Variants in TENM3 observed in about 807,000 individuals in gnomAD.
TENM3 encodes teneurin-3.
A neutral mutation model predicts 255.1 loss-of-function variants in TENM3; 63 were observed. The observed-to-expected ratio is 0.25, with a 90% confidence interval of 0.20 to 0.30. The LOEUF is 0.30. TENM3 is among the 10% of genes least tolerant of loss of function. TENM3 has a pLI of 1.00. For missense variants in TENM3, 2,929 were observed against 3,461.1 expected, an observed-to-expected ratio of 0.85 and a Z score of 3.86; for synonymous variants, 1,306 against 1,322.3, an observed-to-expected ratio of 0.99 and a Z score of 0.27.
At chr4:182,576,927 A>T (rs148652031) in intron 3 of TENM3, among the ~76,000 whole-genome samples, 1 of 152,204 alleles carries the variant, frequency 6.6e-6, no homozygotes, top group Non-Finnish European at 1.5e-5. Flanking sequence ...GGCAAGGCCC[A>T]TGAAAATCTT....
At chr4:182,450,765 C>G (rs545983146) in intron 3 of TENM3, among the ~76,000 whole-genome samples, 63 of 152,320 alleles carry the variant, frequency 4.1e-4, no homozygotes, top group African/African-American at 1.5e-3. Context: ...GTCACTTGAT[C>G]TCTTATTAGC....
At chr4:182,176,977 G>GTGTAC (rs1050834474) in intron 1 of TENM3, among the ~76,000 whole-genome samples, 1 of 151,868 alleles carries the variant, frequency 6.6e-6, no homozygotes, top group African/African-American at 2.4e-5. Flanking sequence ...TACCCAGTCA[G>GTGTAC]TGTACTGTTT....
chr4:182,572,046 C>T (rs994682299), intron 3 of TENM3, among the ~76,000 whole-genome samples: 3 of 152,108 alleles, frequency 2.0e-5, no homozygotes, highest in Non-Finnish European at 4.4e-5. Context: ...GGACTACAGG[C>T]GCCTGCCACC....
chr4:182,574,887 C>T lies in TENM3; in HGVS notation c.512-26037C>T, dbSNP rs185363393. Among the ~76,000 whole-genome samples the T allele has an allele frequency of 3.9e-5, 6 of 152,254 alleles. 1 individual carries two copies. In the East Asian group the frequency reaches 9.7e-4, roughly 25 times the overall value. Reference sequence around the variant, plus strand: ...TATAGCCATATGTTTCCTGTCACCTCGGTGACACAGATAAGCCTTACATCT... The same window carrying T: ...TATAGCCATATGTTTCCTGTCACCTTGGTGACACAGATAAGCCTTACATCT... On this transcript the variant is annotated intron_variant, in intron 3 of 27. Transcript: ENST00000511685.
At chr4:182,629,484 G>A (rs1554037) in intron 5 of TENM3, among the ~76,000 whole-genome samples, 97,530 of 152,038 alleles carry the variant, frequency 0.64, 31,423 homozygotes, top group African/African-American at 0.72. Flanking sequence ...AATAATGGAA[G>A]CTACTAATAG....
chr4:182,173,649 A>G (rs1752252246), intron 1 of TENM3, among the ~76,000 whole-genome samples: 1 of 152,192 alleles, frequency 6.6e-6, no homozygotes, highest in African/African-American at 2.4e-5. Flanking sequence ...TGAAGTTTGG[A>G]GGAGAGCCTT....
chr4:181,587,781 G>A, the TENM3 span, among the ~76,000 whole-genome samples: 3 of 152,188 alleles, frequency 2.0e-5, no homozygotes, highest in Admixed American at 2.0e-4. Flanking sequence ...TTCCTAATCT[G>A]AGAGTGAGGA....
the TENM3 span, among the ~76,000 whole-genome samples, chr4:181,685,488 C>T: frequency 3.3e-5 from 5 of 152,238 alleles, no homozygotes; most frequent in African/African-American, 1.2e-4. Flanking sequence ...TTGGTTAAAT[C>T]CACTTTCAAT....
At chr4:181,757,485 G>A in the TENM3 span, among the ~76,000 whole-genome samples, 3 of 152,106 alleles carry the variant, frequency 2.0e-5, no homozygotes, top group Non-Finnish European at 2.9e-5. Flanking sequence ...TACCTCTGAC[G>A]AGATCAGACT....
In TENM3 at chr4:182,733,622, G is replaced by A. The variant is rs140577683; in HGVS notation, c.2967+2483G>A. On this transcript the variant is annotated intron_variant, in intron 16 of 27. Coordinates refer to ENST00000511685, the MANE Select transcript of TENM3 (RefSeq NM_001080477.4). ...AAATATAAAGCATAAACCTAGGGAG[G>A]GAGCACAGATAGAGACTACAAGAGG... is the stretch of plus-strand genomic sequence containing the variant. Among the ~76,000 whole-genome samples, 278 of 152,030 alleles carry A rather than the reference G, an allele frequency of 1.8e-3. 1 individual carries two copies. Among genetic ancestry groups the A allele is most frequent in the African/African-American group, 6.4e-3 (265 of 41,492 alleles).
chr4:181,947,310 C>T, the TENM3 span, among the ~76,000 whole-genome samples: 1 of 152,148 alleles, frequency 6.6e-6, no homozygotes, highest in East Asian at 1.9e-4. Flanking sequence ...GAGTAACTAA[C>T]TGTCTTCTAT....
chr4:182,636,897 G>A (rs767829491), intron 5 of TENM3, among the ~76,000 whole-genome samples: 1 of 152,100 alleles, frequency 6.6e-6, no homozygotes, highest in African/African-American at 2.4e-5. Context: ...ATGAAATATA[G>A]TGAAGTTTTC....
chr4:181,487,506 C>G, the TENM3 span, among the ~76,000 whole-genome samples: 1 of 152,286 alleles, frequency 6.6e-6, no homozygotes, highest in South Asian at 2.1e-4. Context: ...TTACTGTGTT[C>G]TCACATGGTG....
chr4:181,467,493 GAC>G, the TENM3 span, among the ~76,000 whole-genome samples: 1 of 151,722 alleles, frequency 6.6e-6, no homozygotes, highest in Non-Finnish European at 1.5e-5. Flanking sequence ...AGCATATTAT[GAC>G]AGATATCTAG....
At chr4:182,759,782 C>T (rs1449040950) in intron 22 of TENM3, among the ~76,000 whole-genome samples, 2 of 152,130 alleles carry the variant, frequency 1.3e-5, no homozygotes, top group Admixed American at 6.6e-5. Context: ...GGTGATTCTT[C>T]GGGGTACACA....
the TENM3 span, among the ~76,000 whole-genome samples, chr4:182,093,866 A>G: frequency 6.6e-6 from 1 of 152,214 alleles, no homozygotes; most frequent in Non-Finnish European, 1.5e-5. Flanking sequence ...AAAGATTTCA[A>G]TTTCTTTTAA....
chr4:182,528,851 TG>T lies in TENM3; in HGVS notation c.512-72070del, dbSNP rs200106015. On this transcript the variant is annotated intron_variant, in intron 3 of 27. Coordinates refer to ENST00000511685, the MANE Select transcript of TENM3 (RefSeq NM_001080477.4). Reference sequence around the variant, plus strand: ...TTTAAGAAAGTTTATGAATCTGTGTTGGGCCACATTCACAGCTGTCCTGGGT... The same window carrying T: ...TTTAAGAAAGTTTATGAATCTGTGTTGGCCACATTCACAGCTGTCCTGGGT... 1.3e-3 allele frequency among the ~76,000 whole-genome samples: 199 copies of T among 152,340 alleles called. 2 individuals are homozygous for T. In the East Asian group the frequency reaches 0.026, roughly 20 times the overall value.
intron 1 of TENM3, among the ~76,000 whole-genome samples, chr4:182,296,892 C>T (rs1467000948): frequency 6.6e-6 from 1 of 152,100 alleles, no homozygotes; most frequent in African/African-American, 2.4e-5. Flanking sequence ...CTGATTTTGA[C>T]AGCATGGCCT....
the TENM3 span, among the ~76,000 whole-genome samples, chr4:181,769,661 C>T: frequency 6.6e-6 from 1 of 151,976 alleles, no homozygotes; most frequent in African/African-American, 2.4e-5. Flanking sequence ...TTGACTCAAG[C>T]CATTTGCAGT....
Sources: allele counts gnomAD v4.1 joint callset (sites outside exome capture counted in the v4.1 genomes callset), GRCh38; gene constraint gnomAD v4.1.1; transcripts MANE v1.5; gene names NCBI Gene and HGNC (gene_info 2026-07-23, HGNC 2026-07-21).